The following GRPEL1 variants were observed in gnomAD, a reference collection of about 807,000 sequenced individuals.
The protein encoded by GRPEL1 is GrpE like 1, mitochondrial.
Under a neutral mutation model 22.1 loss-of-function variants are expected in GRPEL1, and 13 were observed. That is an observed-to-expected ratio of 0.59 (90% CI 0.38 to 0.94). The LOEUF (loss-of-function observed/expected upper bound fraction) is 0.94. GRPEL1 is among the 40% of genes least tolerant of loss of function. GRPEL1 has a pLI of 0.00. For missense variants in GRPEL1, 289 were observed against 264.6 expected, an observed-to-expected ratio of 1.09 and a Z score of -0.64; for synonymous variants, 109 against 105.3, an observed-to-expected ratio of 1.03 and a Z score of -0.21.
In GRPEL1 at chr4:7,060,039, A is replaced by G. The variant is rs1462505524; in HGVS notation, c.*823T>C. 6.6e-6 allele frequency: 1 copy of G among 152,222 alleles called. No individual in the cohort carries two copies. The highest frequency in any genetic ancestry group is 1.9e-4 in the East Asian group (1 of 5,200). 9.4% of individuals were successfully genotyped at this position (152,222 alleles called of 1,614,324 possible). A position where few individuals can be genotyped will look rare whatever the true frequency, so the allele number is the denominator to read the frequency against. ...AAGGATCTCCATGAGAGGACACAAA[A>G]TTGTTTTCAGAAAGTAGGAAAATAA... On this transcript the variant is annotated 3_prime_UTR_variant, in exon 4 of 4. Coordinates refer to ENST00000264954, the MANE Select transcript of GRPEL1 (RefSeq NM_025196.4).
chr4:7,061,243 T>C, intron 3 of GRPEL1, 35 bp from the exon 4 acceptor site: 2 of 1,546,572 alleles, frequency 1.3e-6, no homozygotes, highest in Non-Finnish European at 1.8e-6. Flanking sequence ...TTGCACTCCA[T>C]ACCAACCGCA....
intron 1 of GRPEL1, among the ~76,000 whole-genome samples, chr4:7,065,856 CTTT>C (rs11449578): frequency 1.4e-5 from 2 of 142,126 alleles, no homozygotes; most frequent in Non-Finnish European, 3.0e-5. Context: ...CAGAGGACCT[CTTT>C]TTTTTTTTTT....
chr4:7,060,226 T>C lies in GRPEL1; in HGVS notation c.*636A>G, dbSNP rs16839631. On this transcript the variant is annotated 3_prime_UTR_variant, in exon 4 of 4. Transcript: ENST00000264954. ...AATATGATTTAAATATGTCTGCATT[T>C]AGATGAACAGAACAGGGTAAAAGGA... 7,034 of 152,398 alleles carry C rather than the reference T, an allele frequency of 0.046. 224 individuals are homozygous for C. The highest frequency in any genetic ancestry group is 0.076 in the Admixed American group (1,161 of 15,302). The allele number at this position is 152,398 out of a possible 1,614,324, so 9.4% of individuals were successfully genotyped here. A position where few individuals can be genotyped will look rare whatever the true frequency, so the allele number is the denominator to read the frequency against.
At chr4:7,064,497 ATATCTATC>A (rs908687624) in intron 1 of GRPEL1, among the ~76,000 whole-genome samples, 1 of 152,058 alleles carries the variant, frequency 6.6e-6, no homozygotes, top group Non-Finnish European at 1.5e-5. Flanking sequence ...CTCTCTCTAT[ATATCTATC>A]TATCTATACA....
rs1461376738 is a variant in GRPEL1 at position 7,060,542 on chromosome 4, T to C, written c.*320A>G. 4 of 317,190 alleles carry C rather than the reference T, an allele frequency of 1.3e-5. No individual in the cohort carries two copies. Among genetic ancestry groups the C allele is most frequent in the Non-Finnish European group, 2.3e-5 (4 of 171,404 alleles). 19.6% of individuals were successfully genotyped at this position (317,190 alleles called of 1,614,324 possible). ...CCAAACAGAATTCCCCAAGACCTTT[T>C]ATTTGTTTAAAATACTTTGGTGTCA... On this transcript the variant is annotated 3_prime_UTR_variant, in exon 4 of 4. Coordinates refer to ENST00000264954, the MANE Select transcript of GRPEL1 (RefSeq NM_025196.4).
chr4:7,067,682 C>G (rs996936965), intron 1 of GRPEL1: 3 of 498,906 alleles, frequency 6.0e-6, no homozygotes. Flanking sequence ...CTGGACCACA[C>G]GCGCACGTGG....
chr4:7,066,270 T>C (rs1481342688), intron 1 of GRPEL1, among the ~76,000 whole-genome samples: 2 of 152,192 alleles, frequency 1.3e-5, no homozygotes, highest in South Asian at 4.1e-4. Context: ...GAGCGACAAG[T>C]TGGAAACAAT....
chr4:7,062,268 A>C, intron 3 of GRPEL1, 117 bp downstream of exon 3: 6 of 382,464 alleles, frequency 1.6e-5, no homozygotes, highest in Non-Finnish European at 2.4e-5. Context: ...AGGGGATGCA[A>C]CAGCTGGACC....
Position 7,059,018 on chromosome 4 carries a change from A to G in GRPEL1, c.*1844T>C, listed in dbSNP as rs1392556456. Reference sequence around the variant, plus strand: ...CCTCCAGTCTAGAGCAACAGGCTACATACACCATATAGCCTAGGTGTGGAG... The same window carrying G: ...CCTCCAGTCTAGAGCAACAGGCTACGTACACCATATAGCCTAGGTGTGGAG... On this transcript the variant is annotated 3_prime_UTR_variant, in exon 4 of 4. Coordinates refer to ENST00000264954, the MANE Select transcript of GRPEL1 (RefSeq NM_025196.4). 1 of 152,244 alleles carries G rather than the reference A, an allele frequency of 6.6e-6. No homozygotes were observed. Among genetic ancestry groups the G allele is most frequent in the Admixed American group, 6.5e-5 (1 of 15,284 alleles). 9.4% of individuals were successfully genotyped at this position (152,244 alleles called of 1,614,324 possible).
rs554221230 is a variant in GRPEL1 at position 7,061,387 on chromosome 4, G to C, written c.308-179C>G. 24 of 575,038 alleles carry C rather than the reference G, an allele frequency of 4.2e-5. No homozygotes were observed. In the African/African-American group the frequency reaches 4.5e-4, roughly 11 times the overall value. The allele number at this position is 575,038 out of a possible 1,614,324, so 35.6% of individuals were successfully genotyped here. A position where few individuals can be genotyped will look rare whatever the true frequency, so the allele number is the denominator to read the frequency against. On this transcript the variant is annotated intron_variant, in intron 3 of 3. Coordinates refer to ENST00000264954, the MANE Select transcript of GRPEL1 (RefSeq NM_025196.4). ...ACAAAACTCTCAAAAGCTACTTGTG[G>C]GATGAGACCCAGAATTTACTAAATT...
In GRPEL1 at chr4:7,060,886, C is replaced by G. The variant is rs1374078450; in HGVS notation, c.630G>C (p.Leu210=). The part of the protein sequence containing the change: ...KLHGRTLRPA[L]VGVVKEA ...GCTAAGCTTCCTTCACCACCCCCAC[C>G]AGGGCGGGTCTCAGAGTGCGCCCAT... is the stretch of plus-strand genomic sequence containing the variant. Residue 210 remains leucine, a synonymous_variant, in exon 4 of 4, where the codon CTG becomes CTC. Coordinates refer to ENST00000264954, the MANE Select transcript of GRPEL1 (RefSeq NM_025196.4). The G allele has an allele frequency of 2.5e-5, 40 of 1,613,066 alleles. No homozygotes were observed. The highest frequency in any genetic ancestry group is 3.4e-5 in the Non-Finnish European group (40 of 1,179,404).
At position 7,061,107 on chromosome 4, in the gene GRPEL1, G is replaced by C; in HGVS notation, c.409C>G (p.Leu137Val). 1 of 1,614,160 alleles carries C rather than the reference G, an allele frequency of 6.2e-7. No individual in the cohort carries two copies. Among genetic ancestry groups the C allele is most frequent in the Non-Finnish European group, 8.5e-7 (1 of 1,180,008 alleles). ...KEEIKDDNPHLKNLYEGLVMT... is the reference protein window; with the variant it reads ...KEEIKDDNPHVKNLYEGLVMT... ...ACCAGCCCCTCATAGAGGTTCTTCAGGTGAGGGTTATCGTCTTTAATTTCT... is the reference window on the plus strand; with the variant it reads ...ACCAGCCCCTCATAGAGGTTCTTCACGTGAGGGTTATCGTCTTTAATTTCT... The change falls in exon 4 of 4, where the codon CTG becomes GTG. Residue 137 changes from leucine (L) to valine (V), a missense_variant. By Grantham distance (32) the Leu-to-Val change is conservative (BLOSUM62 1). Coordinates refer to ENST00000264954, the MANE Select transcript of GRPEL1 (RefSeq NM_025196.4).
rs377492651 is a variant in GRPEL1, at chr4:7,068,033, G to C, written c.-1C>G. The C allele has an allele frequency of 1.0e-4, 165 of 1,612,782 alleles. 1 individual carries two copies. The South Asian group carries it at 1.7e-3, about 17-fold the overall frequency. On this transcript the variant is annotated 5_prime_UTR_variant, in exon 1 of 4. Coordinates refer to ENST00000264954, the MANE Select transcript of GRPEL1 (RefSeq NM_025196.4). ...CCAACCTCACGCACTGAGCCGCCAT[G>C]ACTGCCACTGCCCGTCGCAGTCGCC...
chr4:7,066,847 T>C (rs190706074), intron 1 of GRPEL1, among the ~76,000 whole-genome samples: 3 of 152,338 alleles, frequency 2.0e-5, no homozygotes, highest in East Asian at 3.9e-4. Context: ...TCTCCTGCCT[T>C]TCCCTAGTTG....
rs769307748 is a variant in GRPEL1 at position 7,064,239 on chromosome 4, CA to C, written c.63-17del. 1.1e-5 allele frequency: 18 copies of C among 1,599,974 alleles called. No individual in the cohort carries two copies. In the East Asian group the frequency reaches 3.8e-4, roughly 34 times the overall value. ...GGGAGATGGCCTACAGGGAAGTCCA[CA>C]CGTGAGAAACGAAGACTTAGTTTTT... On this transcript the variant is annotated splice_polypyrimidine_tract_variant and intron_variant, in intron 1 of 3. Coordinates refer to ENST00000264954, the MANE Select transcript of GRPEL1 (RefSeq NM_025196.4).
chr4:7,067,491 G>C (rs909656076), intron 1 of GRPEL1: 2 of 160,338 alleles, frequency 1.2e-5, no homozygotes, highest in African/African-American at 4.8e-5. Context: ...CTCGAGCTGC[G>C]GCACGGAAAT....
chr4:7,062,156 G>C (rs1330211677), intron 3 of GRPEL1: 1 of 294,746 alleles, frequency 3.4e-6, no homozygotes, highest in Non-Finnish European at 6.3e-6. Context: ...GTCTCTGCGT[G>C]GGGGAGGACA....
At chr4:7,062,060 G>A (rs1310353898) in intron 3 of GRPEL1, 1 of 178,126 alleles carries the variant, frequency 5.6e-6, no homozygotes, top group African/African-American at 2.4e-5. Context: ...ATAGCATGCT[G>A]GGAGTTCTGA....
Position 7,059,459 on chromosome 4 carries a change from C to G in GRPEL1, c.*1403G>C, listed in dbSNP as rs894049125. On this transcript the variant is annotated 3_prime_UTR_variant, in exon 4 of 4. Coordinates refer to ENST00000264954, the MANE Select transcript of GRPEL1 (RefSeq NM_025196.4). ...CACTCACAACCCCACAGCGTGAAAACAGGCAGCGCTGGAGCTCCCAGTCAT... is the reference window on the plus strand; with the variant it reads ...CACTCACAACCCCACAGCGTGAAAAGAGGCAGCGCTGGAGCTCCCAGTCAT... 4.6e-5 allele frequency: 7 copies of G among 152,246 alleles called. No individual in the cohort carries two copies. Among genetic ancestry groups the G allele is most frequent in the African/African-American group, 1.7e-4 (7 of 41,468 alleles). 9.4% of individuals were successfully genotyped at this position (152,246 alleles called of 1,614,324 possible).
Sources: gnomAD v4.1 joint callset for allele counts (sites outside exome capture counted in the v4.1 genomes callset) on GRCh38, gnomAD v4.1.1 for gene constraint, MANE v1.5 for transcripts, NCBI Gene and HGNC (gene_info 2026-07-23, HGNC 2026-07-21) for gene names.